The following NEDD1 variants were observed in gnomAD, a reference collection of about 807,000 sequenced individuals.
NEDD1 encodes the protein NEDD1 gamma-tubulin ring complex targeting factor, also known as protein NEDD1.
In NEDD1, 33 loss-of-function variants were observed where a neutral mutation model predicts 74.0. The observed-to-expected ratio is 0.45, with a 90% CI of 0.34 to 0.60. The LOEUF (loss-of-function observed/expected upper bound fraction) is 0.60. Ranked by LOEUF, NEDD1 falls within the 20% of genes least tolerant of loss-of-function variation. The probability of loss-of-function intolerance (pLI) is 0.01; values close to 1 mark genes in which losing one functional copy is unlikely to be tolerated. For missense variants in NEDD1, 746 were observed against 776.5 expected, an observed-to-expected ratio of 0.96 and a Z score of 0.47; for synonymous variants, 250 against 264.4, an observed-to-expected ratio of 0.95 and a Z score of 0.53.
At chr12:96,917,498 G>A (rs1874588679) in intron 4 of NEDD1, 123 bp from the exon 5 acceptor site, 1 of 1,121,042 alleles carries the variant, frequency 8.9e-7, no homozygotes, top group Non-Finnish European at 1.2e-6. Flanking sequence ...TACAAGATTA[G>A]CATGTTTATA....
chr12:96,919,695 G>A (rs1874852121), intron 5 of NEDD1, among the ~76,000 whole-genome samples: 1 of 152,126 alleles, frequency 6.6e-6, no homozygotes, highest in Non-Finnish European at 1.5e-5. Flanking sequence ...TCATGTTAAA[G>A]CAGAAACTCA....
At chr12:96,951,330 C>A in intron 14 of NEDD1, 102 bp from the exon 15 acceptor site, 1 of 595,000 alleles carries the variant, frequency 1.7e-6, no homozygotes, top group Non-Finnish European at 3.0e-6. Flanking sequence ...TAATTATTAA[C>A]ATTCAGTAAT....
intron 9 of NEDD1, among the ~76,000 whole-genome samples, chr12:96,939,652 G>A (rs536524798): frequency 6.6e-6 from 1 of 151,932 alleles, no homozygotes; most frequent in Non-Finnish European, 1.5e-5. Flanking sequence ...CTCTAAAACT[G>A]TCGTTACTCC....
At chr12:96,911,168 T>A (rs1248114080) in intron 3 of NEDD1, among the ~76,000 whole-genome samples, 1 of 152,204 alleles carries the variant, frequency 6.6e-6, no homozygotes, top group Non-Finnish European at 1.5e-5. Flanking sequence ...GTATATGAAG[T>A]TGCTGTTCTC....
chr12:96,920,076 G>A lies in NEDD1; in HGVS notation c.440G>A (p.Ser147Asn), dbSNP rs771770342. The A allele has an allele frequency of 6.2e-7, 1 of 1,604,854 alleles. No homozygotes were observed. The highest frequency in any genetic ancestry group is 1.7e-5 in the Admixed American group (1 of 59,834). Reference protein sequence around the residue: ...GSLSGEIILHSVTTNLSSTPF... With the variant: ...GSLSGEIILHNVTTNLSSTPF... ...CTTAGTGGTGAAATTATTTTACACA[G>A]TGTAACCACTAATTTATCTAGTACT... The change falls in exon 6 of 16, where the codon AGT becomes AAT. Residue 147 changes from serine (S) to asparagine (N), a missense_variant. Coordinates refer to ENST00000266742, the MANE Select transcript of NEDD1 (RefSeq NM_152905.4).
In NEDD1 at chr12:96,912,765, T is replaced by G. The variant is rs1414085382; in HGVS notation, c.179T>G (p.Val60Gly). The G allele has an allele frequency of 6.2e-7, 1 of 1,609,568 alleles. No homozygotes were observed. Among genetic ancestry groups the G allele is most frequent in the Non-Finnish European group, 8.5e-7 (1 of 1,176,304 alleles). Residue 60 changes from valine to glycine, a missense_variant, in exon 4 of 16, where the codon GTT (valine) becomes GGT (glycine). Physicochemically the swap from Val to Gly is moderately radical, Grantham distance 109 (BLOSUM62 -3). Coordinates refer to ENST00000266742, the MANE Select transcript of NEDD1 (RefSeq NM_152905.4). ...GCATCTTCCAGTGGCGACAAAATAG[T>G]TGTCTCAAGTTGCAAATGTAAACCT... ...VTASSSGDKI[V>G]VSSCKCKPVP...
At chr12:96,936,155 T>C (rs1321043002) in intron 7 of NEDD1, among the ~76,000 whole-genome samples, 2 of 152,202 alleles carry the variant, frequency 1.3e-5, no homozygotes, top group African/African-American at 4.8e-5. Context: ...TGGCCAAGAC[T>C]GTACAACTAA....
At position 96,920,000 on chromosome 12, in the gene NEDD1, G is replaced by A; in HGVS notation, c.364G>A (p.Val122Ile). 6.2e-7 allele frequency: 1 copy of A among 1,605,694 alleles called. No individual in the cohort carries two copies. Among genetic ancestry groups the A allele is most frequent in the Non-Finnish European group, 8.5e-7 (1 of 1,173,850 alleles). Reference sequence around the variant, plus strand: ...TCTCTTTCAGGATCATAAAGATCAAGTAACTTGTGTAACATACAATTGGAA... The same window carrying A: ...TCTCTTTCAGGATCATAAAGATCAAATAACTTGTGTAACATACAATTGGAA... ...HRSLKDHKDQ[V>I]TCVTYNWNDC... Residue 122 changes from valine to isoleucine, a missense_variant, in exon 6 of 16, where the codon GTA becomes ATA. By Grantham distance (29) the Val-to-Ile change is conservative. Around this residue, in one of 3 missense-constraint regions of NEDD1, gnomAD observed 706 missense variants for 706.7 expected, o/e 1.00. Coordinates refer to ENST00000266742, the MANE Select transcript of NEDD1 (RefSeq NM_152905.4).
chr12:96,923,600 G>A (rs1257403783), intron 6 of NEDD1, among the ~76,000 whole-genome samples: 3 of 152,162 alleles, frequency 2.0e-5, no homozygotes, highest in East Asian at 1.9e-4. Context: ...ATGATGTTAA[G>A]TATATTTTTA....
rs964305634 is a variant in NEDD1, at chr12:96,936,653, A to G, written c.762A>G (p.Val254=). 6.2e-7 allele frequency: 1 copy of G among 1,613,754 alleles called. No homozygotes were observed. Among genetic ancestry groups the G allele is most frequent in the African/African-American group, 1.3e-5 (1 of 74,922 alleles). ...TLVADTPLTA[V]DFMPDGATLA... ...TGGCTGACACTCCTCTAACTGCGGT[A>G]GATTTCATGCCTGATGGAGCCACTT... The change falls in exon 8 of 16, where the codon GTA becomes GTG. Residue 254 remains valine (V), a synonymous_variant. Coordinates refer to ENST00000266742, the MANE Select transcript of NEDD1 (RefSeq NM_152905.4).
At chr12:96,927,900 A>G (rs1231789981) in intron 6 of NEDD1, among the ~76,000 whole-genome samples, 1 of 152,102 alleles carries the variant, frequency 6.6e-6, no homozygotes, top group Non-Finnish European at 1.5e-5. Flanking sequence ...TTTTTATGTT[A>G]TATAGGAGCA....
intron 4 of NEDD1, among the ~76,000 whole-genome samples, chr12:96,916,281 T>G (rs1874436491): frequency 6.7e-6 from 1 of 149,474 alleles, no homozygotes; most frequent in Non-Finnish European, 1.5e-5. Flanking sequence ...ATACTTTAAG[T>G]TTTAGGGTAC....
chr12:96,928,471 TC>T (rs1468316474), intron 6 of NEDD1, among the ~76,000 whole-genome samples: 1 of 152,180 alleles, frequency 6.6e-6, no homozygotes, highest in East Asian at 1.9e-4. Flanking sequence ...GGCTTACATT[TC>T]CTTTAAGGAG....
In NEDD1 at chr12:96,934,852, T is replaced by C. The variant is rs1486030068; in HGVS notation, c.490-124T>C. The C allele has an allele frequency of 5.9e-6, 4 of 680,560 alleles. No individual in the cohort carries two copies. In the Admixed American group the frequency reaches 9.7e-5, roughly 17 times the overall value. The allele number at this position is 680,560 out of a possible 1,614,324, so 42.2% of individuals were successfully genotyped here. A position where few individuals can be genotyped will look rare whatever the true frequency, so the allele number is the denominator to read the frequency against. The stretch of plus-strand genomic sequence containing the variant: ...CACGTCTGGCTGAAACCTGTCACTC[T>C]TACACATCAGAGAAATCCTAAACCC... On this transcript the variant is annotated intron_variant, in intron 6 of 15. Transcript: ENST00000266742.
intron 6 of NEDD1, among the ~76,000 whole-genome samples, chr12:96,922,763 G>C (rs2136537477): frequency 6.6e-6 from 1 of 152,098 alleles, no homozygotes; most frequent in East Asian, 1.9e-4. Flanking sequence ...ATAGAACATT[G>C]CCAGCACACC....
intron 6 of NEDD1, among the ~76,000 whole-genome samples, chr12:96,932,062 C>A (rs1364440817): frequency 6.6e-6 from 1 of 151,934 alleles, no homozygotes; most frequent in Admixed American, 6.6e-5. Flanking sequence ...TTGAAACCTT[C>A]CCCCCACCTT....
chr12:96,921,838 A>G (rs1450562165), intron 6 of NEDD1, among the ~76,000 whole-genome samples: 1 of 149,324 alleles, frequency 6.7e-6, no homozygotes, highest in Non-Finnish European at 1.5e-5. Flanking sequence ...CAGGTCTTTA[A>G]CTCCTGGCCT....
At chr12:96,920,785 A>G (rs754504506) in intron 6 of NEDD1, among the ~76,000 whole-genome samples, 13 of 152,148 alleles carry the variant, frequency 8.5e-5, no homozygotes, top group Non-Finnish European at 1.9e-4. Flanking sequence ...ATTTTTACTT[A>G]ATTGTAATCT....
intron 6 of NEDD1, among the ~76,000 whole-genome samples, chr12:96,929,139 C>A (rs1032949195): frequency 6.6e-6 from 1 of 151,480 alleles, no homozygotes; most frequent in Non-Finnish European, 1.5e-5. Flanking sequence ...CATTTTTTCT[C>A]AAGTGTTTTT....
Sources: gnomAD v4.1 joint callset for allele counts (sites outside exome capture counted in the v4.1 genomes callset) on GRCh38, gnomAD v4.1.1 for gene constraint, gnomAD v4.1.1 regional missense constraint, MANE v1.5 for transcripts, NCBI Gene and HGNC (gene_info 2026-07-23, HGNC 2026-07-21) for gene names.